IQCE: variants seen among roughly 807,000 people sequenced by gnomAD.
IQCE encodes the protein IQ motif containing E, also known as IQ domain-containing protein E.
In IQCE, 115 loss-of-function variants were observed where a neutral mutation model predicts 96.0. The ratio of observed to expected loss-of-function variants is 1.20; its 90% CI spans 1.03 to 1.40. The LOEUF is 1.40. IQCE is among the 40% of genes most tolerant of loss of function. The pLI is 0.00. For missense variants in IQCE, 1,041 were observed against 909.1 expected (o/e 1.15, Z -1.87); for synonymous variants, 412 against 371.2 (o/e 1.11, Z -1.26).
At chr7:2,599,885 C>T (rs1784318710) in intron 17 of IQCE, among the ~76,000 whole-genome samples, 1 of 152,020 alleles carries the variant, frequency 6.6e-6, no homozygotes. Context: ...CCTCCGCCTC[C>T]CAGGTTCAAG....
rs1335883314 is a variant in IQCE, at chr7:2,613,181, C to G, written c.*3019C>G. The G allele has an allele frequency of 6.6e-6, 1 of 152,260 alleles. No homozygotes were observed. Among genetic ancestry groups the G allele is most frequent in the Non-Finnish European group, 1.5e-5 (1 of 68,052 alleles). 9.4% of individuals were successfully genotyped at this position (152,260 alleles called of 1,614,324 possible). On this transcript the variant is annotated 3_prime_UTR_variant, in exon 22 of 22. Coordinates refer to ENST00000402050, the MANE Select transcript of IQCE (RefSeq NM_152558.5). ...GGAGATGTCAGTCTCCAGGGCCTGG[C>G]CCCACTGTGTTGACAGCAGTCACGT...
intron 6 of IQCE, among the ~76,000 whole-genome samples, chr7:2,574,266 G>C (rs759069963): frequency 6.6e-6 from 1 of 152,234 alleles, no homozygotes; most frequent in Non-Finnish European, 1.5e-5. Flanking sequence ...TTCAGTTGGG[G>C]CACCAGAGGG....
chr7:2,565,058 A>T (rs995116186), intron 1 of IQCE, among the ~76,000 whole-genome samples: 28 of 151,920 alleles, frequency 1.8e-4, no homozygotes, highest in African/African-American at 6.8e-4. Flanking sequence ...GGCGGAACAG[A>T]TTGGCCATTT....
Position 2,611,442 on chromosome 7 carries a change from T to A in IQCE, c.*1280T>A, listed in dbSNP as rs1010858759. 7.9e-5 allele frequency: 12 copies of A among 152,250 alleles called. No homozygotes were observed. Among genetic ancestry groups the A allele is most frequent in the African/African-American group, 2.9e-4 (12 of 41,452 alleles). 9.4% of individuals were successfully genotyped at this position (152,250 alleles called of 1,614,324 possible). A position where few individuals can be genotyped will look rare whatever the true frequency, so the allele number is the denominator to read the frequency against. Reference sequence around the variant, plus strand: ...CCCTTTTTACACAGCTGACAGCTTCTCCCAAGGCTTCCGTCCACGGGGACA... The same window carrying A: ...CCCTTTTTACACAGCTGACAGCTTCACCCAAGGCTTCCGTCCACGGGGACA... On this transcript the variant is annotated 3_prime_UTR_variant, in exon 22 of 22. Coordinates refer to ENST00000402050, the MANE Select transcript of IQCE (RefSeq NM_152558.5).
chr7:2,593,660 T>C (rs900514987), intron 15 of IQCE, among the ~76,000 whole-genome samples: 12 of 152,210 alleles, frequency 7.9e-5, no homozygotes, highest in African/African-American at 2.7e-4. Flanking sequence ...ACACGATTCC[T>C]TGCGCAGGAA....
chr7:2,575,830 C>T (rs1041604147), intron 6 of IQCE, among the ~76,000 whole-genome samples: 1 of 152,164 alleles, frequency 6.6e-6, no homozygotes, highest in East Asian at 1.9e-4. Flanking sequence ...AGCTCCCTGC[C>T]GTGTCGATCG....
intron 5 of IQCE, among the ~76,000 whole-genome samples, chr7:2,573,156 T>G (rs1207394272): frequency 6.6e-5 from 10 of 152,244 alleles, no homozygotes; most frequent in Admixed American, 5.2e-4. Context: ...CTTTCATCCT[T>G]TTACTGTCAT....
intron 8 of IQCE, among the ~76,000 whole-genome samples, chr7:2,581,735 A>G (rs1254300786): frequency 1.4e-5 from 2 of 138,186 alleles, no homozygotes; most frequent in South Asian, 2.3e-4. Context: ...TTTGAGATGG[A>G]GTCTCGCTCT....
At position 2,590,928 on chromosome 7, in the gene IQCE, G is replaced by A. The variant is rs569936408; in HGVS notation, c.1244+822G>A. On this transcript the variant is annotated intron_variant, in intron 14 of 21. Transcript: ENST00000402050. Reference sequence around the variant, plus strand: ...TTAATTCAGTAATATGTTTATGGGGGATATGATCTATTAATACGTAGGAAA... The same window carrying A: ...TTAATTCAGTAATATGTTTATGGGGAATATGATCTATTAATACGTAGGAAA... 2.2e-4 allele frequency among the ~76,000 whole-genome samples: 34 copies of A among 152,048 alleles called. No homozygotes were observed. The South Asian group carries it at 6.9e-3, about 31-fold the overall frequency.
chr7:2,596,314 GGAGA>G lies in IQCE; in HGVS notation c.1440+1357_1440+1360del, dbSNP rs140066878. On this transcript the variant is annotated intron_variant, in intron 16 of 21. Coordinates refer to ENST00000402050, the MANE Select transcript of IQCE (RefSeq NM_152558.5). ...GAAAAGAAAAAGGTCTGAAAATAGA[GGAGA>G]GAGAGAGAGAGAGAGAGAAAACAAA... Among the ~76,000 whole-genome samples the G allele has an allele frequency of 3.8e-3, 557 of 148,080 alleles. 8 individuals are homozygous for G. The highest frequency in any genetic ancestry group is 0.03 in the Admixed American group (452 of 14,854).
Position 2,609,103 on chromosome 7 carries a change from C to T in IQCE, c.1970-941C>T, listed in dbSNP as rs59154571. On this transcript the variant is annotated intron_variant, in intron 21 of 21. Transcript: ENST00000402050. ...CTGGGGCTGCTGCTGTGGTAGGACCCGTCCCTTCTTCAGCTCTGGTACCCA... is the reference window on the plus strand; with the variant it reads ...CTGGGGCTGCTGCTGTGGTAGGACCTGTCCCTTCTTCAGCTCTGGTACCCA... 8.7e-3 allele frequency among the ~76,000 whole-genome samples: 1,329 copies of T among 152,176 alleles called. 19 individuals carry two copies. Among genetic ancestry groups the T allele is most frequent in the African/African-American group, 0.03 (1,234 of 41,520 alleles).
chr7:2,596,917 C>T (rs1446302614), intron 16 of IQCE: 1 of 462,748 alleles, frequency 2.2e-6, no homozygotes, highest in African/African-American at 2.0e-5. Flanking sequence ...GATCTGGAAA[C>T]AGCTGGCTGT....
rs764203982 is a variant in IQCE at position 2,568,963 on chromosome 7, A to G, written c.94A>G (p.Arg32Gly). The change falls in exon 3 of 22, where the codon AGG becomes GGG. Residue 32 changes from arginine to glycine, a missense_variant. Transcript: ENST00000402050. ...FDSDVETKAK[R>G]KAFHKPPPTS... Reference sequence around the variant, plus strand: ...TTCTTCTTTCTTTCAGAAAGCAAAAAGGAAAGCTTTCCACAAACCTCCACC... The same window carrying G: ...TTCTTCTTTCTTTCAGAAAGCAAAAGGGAAAGCTTTCCACAAACCTCCACC... 1.2e-6 allele frequency: 2 copies of G among 1,613,576 alleles called. No individual in the cohort carries two copies. The highest frequency in any genetic ancestry group is 1.7e-6 in the Non-Finnish European group (2 of 1,180,002).
At chr7:2,610,008 G>C (rs542823543) in intron 21 of IQCE, 36 bp from the exon 22 acceptor site, 2 of 1,193,664 alleles carry the variant, frequency 1.7e-6, no homozygotes, top group African/African-American at 1.5e-5. Context: ...TGAGGTCAGC[G>C]TGGCTGACCC....
At chr7:2,586,867 G>A (rs572436784) in intron 12 of IQCE, among the ~76,000 whole-genome samples, 23 of 152,318 alleles carry the variant, frequency 1.5e-4, no homozygotes, top group Admixed American at 1.1e-3. Flanking sequence ...GAGGCCCAGC[G>A]GGGCGAGGCA....
intron 11 of IQCE, 181 bp downstream of exon 11, chr7:2,584,466 AGACTCCTCATAGTGACCACGTGTT>A (rs1782942775): frequency 2.9e-6 from 2 of 678,352 alleles, no homozygotes; most frequent in African/African-American, 3.5e-5. Flanking sequence ...CAGTGTTCAC[AGACTCCTCATAGTGACCACGTGTT>A]GATGGCCAAC....
intron 15 of IQCE, 64 bp downstream of exon 15, chr7:2,593,190 G>C: frequency 1.3e-6 from 2 of 1,522,518 alleles, no homozygotes; most frequent in South Asian, 1.3e-5. Context: ...TACCACTGCG[G>C]CCCCCCGTGG....
intron 12 of IQCE, among the ~76,000 whole-genome samples, chr7:2,586,714 A>G (rs375253193): frequency 6.6e-6 from 1 of 152,148 alleles, no homozygotes; most frequent in African/African-American, 2.4e-5. Context: ...TGCAGCTGCA[A>G]GCAGGGTTGA....
At position 2,612,151 on chromosome 7, in the gene IQCE, G is replaced by C. The variant is rs796522318; in HGVS notation, c.*1989G>C. On this transcript the variant is annotated 3_prime_UTR_variant, in exon 22 of 22. Transcript: ENST00000402050. Reference sequence around the variant, plus strand: ...GGGAACCAGTGGCCTAGAGCTTTGGGTTACAGGCATGGAGAGGGCTTTCCT... The same window carrying C: ...GGGAACCAGTGGCCTAGAGCTTTGGCTTACAGGCATGGAGAGGGCTTTCCT... The C allele has an allele frequency of 6.6e-6, 1 of 152,330 alleles. No homozygotes were observed. The highest frequency in any genetic ancestry group is 1.5e-5 in the Non-Finnish European group (1 of 68,044). The allele number at this position is 152,330 out of a possible 1,614,324, so 9.4% of individuals were successfully genotyped here.
Sources: gnomAD v4.1 joint callset for allele counts (sites outside exome capture counted in the v4.1 genomes callset) on GRCh38, gnomAD v4.1.1 for gene constraint, MANE v1.5 for transcripts, NCBI Gene and HGNC (gene_info 2026-07-23, HGNC 2026-07-21) for gene names.